Variants in TSPAN9 observed in about 807,000 individuals in gnomAD.
TSPAN9 encodes tetraspanin-9.
Under a neutral mutation model 31.0 loss-of-function variants are expected in TSPAN9, and 16 were observed. The ratio of observed to expected loss-of-function variants is 0.52; its 90% CI spans 0.35 to 0.78. TSPAN9 has a LOEUF of 0.78. TSPAN9 is among the 30% of genes least tolerant of loss of function. The pLI is 0.01. For synonymous variants in TSPAN9, 145 were observed against 121.6 expected (o/e 1.19, Z -1.27); for missense variants, 272 against 312.5 (o/e 0.87, Z 0.98).
intron 3 of TSPAN9, among the ~76,000 whole-genome samples, chr12:3,261,428 G>T (rs1316749488): frequency 6.6e-6 from 1 of 152,168 alleles, no homozygotes; most frequent in Non-Finnish European, 1.5e-5. Flanking sequence ...AAGGGGTAGA[G>T]CTGGGATTCA....
intron 5 of TSPAN9, among the ~76,000 whole-genome samples, 187 bp downstream of exon 5, chr12:3,279,253 G>A (rs1862852118): frequency 6.6e-6 from 1 of 152,206 alleles, no homozygotes; most frequent in Non-Finnish European, 1.5e-5. Flanking sequence ...TTTGATGGGG[G>A]CAGCATGGGG....
chr12:3,204,511 C>T (rs145454381), intron 3 of TSPAN9, among the ~76,000 whole-genome samples: 28 of 152,288 alleles, frequency 1.8e-4, no homozygotes, highest in Middle Eastern at 3.4e-3. Context: ...TGGGTGCCTG[C>T]CTGCCTGTGG....
At chr12:3,188,058 C>T (rs577699442) in intron 2 of TSPAN9, among the ~76,000 whole-genome samples, 1 of 152,218 alleles carries the variant, frequency 6.6e-6, no homozygotes, top group African/African-American at 2.4e-5. Context: ...ATAGGTGTCT[C>T]GCTTTTATCG....
At position 3,201,269 on chromosome 12, in the gene TSPAN9, G is replaced by GT. The variant is rs773118802; in HGVS notation, c.63+16dup. 1 of 1,613,282 alleles carries GT rather than the reference G, an allele frequency of 6.2e-7. No homozygotes were observed. The highest frequency in any genetic ancestry group is 8.5e-7 in the Non-Finnish European group (1 of 1,179,446). On this transcript the variant is annotated intron_variant, in intron 3 of 8. Coordinates refer to ENST00000011898, the MANE Select transcript of TSPAN9 (RefSeq NM_006675.5). Reference sequence around the variant, plus strand: ...TTTGATATTCTGGGTAAGTCCTTCCGTTTCTCTCTCCCTTCGCCCTCTTCT... The same window carrying GT: ...TTTGATATTCTGGGTAAGTCCTTCCGTTTTCTCTCTCCCTTCGCCCTCTTCT...
chr12:3,219,848 T>A (rs867638291), intron 3 of TSPAN9, among the ~76,000 whole-genome samples: 5 of 135,916 alleles, frequency 3.7e-5, no homozygotes, highest in Admixed American at 7.4e-5. Flanking sequence ...CTTAAACTAT[T>A]AAAAAAAAAA....
intron 2 of TSPAN9, among the ~76,000 whole-genome samples, chr12:3,182,289 C>T (rs1423701857): frequency 2.0e-5 from 3 of 151,924 alleles, no homozygotes; most frequent in Non-Finnish European, 4.4e-5. Context: ...TTTGCTAATT[C>T]TGGTTACTGA....
At chr12:3,247,297 C>A (rs1323509105) in intron 3 of TSPAN9, among the ~76,000 whole-genome samples, 1 of 17,610 alleles carries the variant, frequency 5.7e-5, no homozygotes, top group Non-Finnish European at 1.9e-4. Context: ...CATTACTGGC[C>A]AGCCCCCCCC....
At position 3,286,118 on chromosome 12, in the gene TSPAN9, C is replaced by T. The variant is rs1414131815; in HGVS notation, c.*3002C>T. The T allele has an allele frequency of 2.0e-5, 3 of 152,784 alleles. No individual in the cohort carries two copies. The highest frequency in any genetic ancestry group is 7.2e-5 in the African/African-American group (3 of 41,476). 9.5% of individuals were successfully genotyped at this position (152,784 alleles called of 1,614,324 possible). On this transcript the variant is annotated 3_prime_UTR_variant, in exon 9 of 9. Coordinates refer to ENST00000011898, the MANE Select transcript of TSPAN9 (RefSeq NM_006675.5). This position sits in a 1 kb window ranked among gnomAD's most constrained non-coding sequence, Gnocchi z 4.1. ...CTGGGTGGATGGAAGTGGCTGTCCC[C>T]TCCTCTCCAGCCCCTGCCCACCCAC...
At chr12:3,197,695 CA>C in intron 2 of TSPAN9, among the ~76,000 whole-genome samples, 1 of 146,336 alleles carries the variant, frequency 6.8e-6, no homozygotes, top group Non-Finnish European at 1.5e-5. Context: ...CAGCACAGGT[CA>C]CACCAGCACA....
chr12:3,160,632 T>G (rs974200077), intron 2 of TSPAN9, among the ~76,000 whole-genome samples: 1 of 152,216 alleles, frequency 6.6e-6, no homozygotes, highest in South Asian at 2.1e-4. Context: ...ATTTCTGTCT[T>G]TTTGGAGCCA....
chr12:3,225,323 G>T (rs1361191433), intron 3 of TSPAN9, among the ~76,000 whole-genome samples: 7 of 152,172 alleles, frequency 4.6e-5, no homozygotes, highest in African/African-American at 1.4e-4. Flanking sequence ...TGCCCAGGGG[G>T]CCTGGAGGAC....
intron 3 of TSPAN9, among the ~76,000 whole-genome samples, chr12:3,209,249 AT>A (rs1490322069): frequency 3.0e-4 from 44 of 146,044 alleles, no homozygotes; most frequent in Admixed American, 4.8e-4. Context: ...AAAAAAAAAA[AT>A]AAAAAACTAA....
intron 1 of TSPAN9, among the ~76,000 whole-genome samples, chr12:3,080,649 A>G (rs2098297414): frequency 2.0e-5 from 3 of 152,202 alleles, no homozygotes; most frequent in Non-Finnish European, 4.4e-5. Flanking sequence ...GTAAAATCTT[A>G]AGTGTACATT....
At chr12:3,126,054 G>A (rs1376431154) in intron 2 of TSPAN9, among the ~76,000 whole-genome samples, 1 of 152,184 alleles carries the variant, frequency 6.6e-6, no homozygotes, top group Non-Finnish European at 1.5e-5. Flanking sequence ...GAGAAAGTAA[G>A]TTTTGGATGA....
intron 3 of TSPAN9, among the ~76,000 whole-genome samples, chr12:3,225,193 T>G (rs769126570): frequency 1.3e-5 from 2 of 152,054 alleles, no homozygotes; most frequent in Non-Finnish European, 2.9e-5. Flanking sequence ...CAGCCTCCAG[T>G]TGGGGGACCG....
chr12:3,188,693 C>G (rs991097527), intron 2 of TSPAN9, among the ~76,000 whole-genome samples: 1 of 152,108 alleles, frequency 6.6e-6, no homozygotes, highest in Non-Finnish European at 1.5e-5. Flanking sequence ...CCTCACGGAG[C>G]CCAGCCACAT....
At chr12:3,269,786 G>T (rs1332211397) in intron 3 of TSPAN9, among the ~76,000 whole-genome samples, 2 of 152,140 alleles carry the variant, frequency 1.3e-5, no homozygotes, top group African/African-American at 4.8e-5. Context: ...GCCCTTTTTC[G>T]CTGCACCCAC....
At chr12:3,244,170 G>A (rs1223912058) in intron 3 of TSPAN9, among the ~76,000 whole-genome samples, 5 of 152,182 alleles carry the variant, frequency 3.3e-5, no homozygotes, top group Non-Finnish European at 5.9e-5. Flanking sequence ...TTGGAGGCAG[G>A]GAGGTGTCTA....
chr12:3,204,523 G>T (rs1225060686), intron 3 of TSPAN9, among the ~76,000 whole-genome samples: 1 of 152,158 alleles, frequency 6.6e-6, no homozygotes, highest in Non-Finnish European at 1.5e-5. Flanking sequence ...TGCCTGTGGG[G>T]GTCCAGGTCT....
Sources: allele counts gnomAD v4.1 joint callset (sites outside exome capture counted in the v4.1 genomes callset), GRCh38; gene constraint gnomAD v4.1.1; non-coding constraint Gnocchi (gnomAD v3.1); transcripts MANE v1.5; gene names NCBI Gene and HGNC (gene_info 2026-07-23, HGNC 2026-07-21).